RIF1: variants seen among roughly 807,000 people sequenced by gnomAD.
RIF1 encodes the protein telomere-associated protein RIF1.
RIF1 carries 45 observed loss-of-function variants against 247.1 expected under a neutral mutation model. The observed-to-expected ratio is 0.18, with a 90% CI of 0.14 to 0.23. The LOEUF (loss-of-function observed/expected upper bound fraction) is 0.23. RIF1 is among the 10% of genes least tolerant of loss of function. RIF1 has a pLI of 1.00. For synonymous variants in RIF1, 1,087 were observed against 978.8 expected (o/e 1.11, Z -2.06); for missense variants, 2,967 against 2,862.5 (o/e 1.04, Z -0.83).
At chr2:151,425,297 C>G (rs1319866530) in intron 8 of RIF1, among the ~76,000 whole-genome samples, 1 of 151,930 alleles carries the variant, frequency 6.6e-6, no homozygotes, top group African/African-American at 2.4e-5. Context: ...ATATGCATCC[C>G]TTAGTTTTGT....
At chr2:151,462,822 G>A in intron 29 of RIF1, 62 bp from the exon 30 acceptor site, 1 of 1,292,586 alleles carries the variant, frequency 7.7e-7, no homozygotes, top group Non-Finnish European at 1.1e-6. Context: ...TTCCCAGAAA[G>A]TCAAACTCGT....
At chr2:151,435,403 G>A in intron 10 of RIF1, 60 bp from the exon 11 acceptor site, 1 of 921,490 alleles carries the variant, frequency 1.1e-6, no homozygotes, top group Admixed American at 1.9e-5. Context: ...ATTATGTGAG[G>A]CTTTTAAAAA....
At position 151,455,154 on chromosome 2, in the gene RIF1, C is replaced by T. The variant is rs1558997509; in HGVS notation, c.2604C>T (p.Asn868=). ...GACCTCTGGCATTATTTTATGAAAACTCAAAGTAAGTATTTTGGACTAAGT... is the reference window on the plus strand; with the variant it reads ...GACCTCTGGCATTATTTTATGAAAATTCAAAGTAAGTATTTTGGACTAAGT... The part of the protein sequence containing the change: ...LTRPLALFYE[N]SKLDEVPKVY... The change falls in exon 22 of 36, where the codon AAC becomes AAT. Residue 868 remains asparagine, a synonymous_variant. Transcript: ENST00000444746. 8 of 1,607,598 alleles carry T rather than the reference C, an allele frequency of 5.0e-6. No individual in the cohort carries two copies. The East Asian group carries it at 1.8e-4, about 36-fold the overall frequency.
At chr2:151,466,958 C>T (rs985770503) in intron 30 of RIF1, among the ~76,000 whole-genome samples, 1 of 152,158 alleles carries the variant, frequency 6.6e-6, no homozygotes, top group African/African-American at 2.4e-5. Flanking sequence ...CTCGGTAGCT[C>T]ACACCTGTAA....
Position 151,465,435 on chromosome 2 carries a change from A to G in RIF1, c.5915A>G (p.Asp1972Gly), listed in dbSNP as rs192169310. The change falls in exon 30 of 36, where the codon GAT becomes GGT. Residue 1972 changes from aspartate to glycine, a missense_variant. Asp to Gly is a moderately conservative substitution (Grantham distance 94). This residue lies in a region of RIF1 where 2,028 missense variants were observed against 1,825.6 expected (regional missense o/e 1.11). Transcript: ENST00000444746. The part of the protein sequence containing the change: ...KEVATEEFNS[D>G]ISLSDNTTPV... ...GTAGCAACTGAGGAATTTAATTCAG[A>G]TATTAGTCTTTCTGATAATACTACA... 17 of 1,614,006 alleles carry G rather than the reference A, an allele frequency of 1.1e-5. No homozygotes were observed. In the African/African-American group the frequency reaches 1.1e-4, roughly 10 times the overall value.
chr2:151,531,989 G>A, the RIF1 span: 2 of 707,754 alleles, frequency 2.8e-6, no homozygotes, highest in South Asian at 1.9e-5. Flanking sequence ...AGTGGGAGAT[G>A]GTATCTAGCT....
chr2:151,506,965 CAACT>C lies in RIF1; in HGVS notation c.*1027+591_*1027+594del, dbSNP rs762780413. On this transcript the variant is annotated intron_variant and NMD_transcript_variant, in intron 13 of 13. Transcript: ENST00000454583. Reference sequence around the variant, plus strand: ...CGCAGTATTTCTGGCGTGTCTTGAACAACTGTAATTTTTCCTTTACTGTTTTTAA... The same window carrying C: ...CGCAGTATTTCTGGCGTGTCTTGAACGTAATTTTTCCTTTACTGTTTTTAA... 6.2e-7 allele frequency: 1 copy of C among 1,611,478 alleles called. No individual in the cohort carries two copies. The highest frequency in any genetic ancestry group is 8.5e-7 in the Non-Finnish European group (1 of 1,178,404).
At chr2:151,415,796 G>A (rs1687122644) in intron 4 of RIF1, among the ~76,000 whole-genome samples, 1 of 152,030 alleles carries the variant, frequency 6.6e-6, no homozygotes. Flanking sequence ...AGAATCGCTT[G>A]AACCTGGGAG....
At chr2:151,490,540 G>A (rs1234496026) in intron 9 of RIF1, 5 of 1,604,410 alleles carry the variant, frequency 3.1e-6, no homozygotes, top group Middle Eastern at 1.7e-4. Flanking sequence ...GCAGTTGGGG[G>A]AGATGTAGCA....
chr2:151,501,345 A>AATT (rs781494887), intron 11 of RIF1: 2 of 1,273,588 alleles, frequency 1.6e-6, no homozygotes, highest in Admixed American at 2.0e-5. Flanking sequence ...GTTTTGTAGA[A>AATT]ATTATTATTT....
Position 151,475,344 on chromosome 2 carries a change from G to C in RIF1, c.*273G>C, listed in dbSNP as rs549855959. Reference sequence around the variant, plus strand: ...TTACTGAGATGTGAAAGCAAAACTAGTAACAGAACTTACATTTTATTTCAT... The same window carrying C: ...TTACTGAGATGTGAAAGCAAAACTACTAACAGAACTTACATTTTATTTCAT... On this transcript the variant is annotated 3_prime_UTR_variant, in exon 36 of 36. Transcript: ENST00000444746. 1 of 371,650 alleles carries C rather than the reference G, an allele frequency of 2.7e-6. No homozygotes were observed. The highest frequency in any genetic ancestry group is 4.9e-6 in the Non-Finnish European group (1 of 204,894). The allele number at this position is 371,650 out of a possible 1,614,324, so 23.0% of individuals were successfully genotyped here. A position where few individuals can be genotyped will look rare whatever the true frequency, so the allele number is the denominator to read the frequency against.
intron 10 of RIF1, among the ~76,000 whole-genome samples, chr2:151,498,932 G>GAGAT (rs1553559674): frequency 6.6e-6 from 1 of 151,742 alleles, no homozygotes; most frequent in African/African-American, 2.4e-5. Flanking sequence ...AATAACAGTA[G>GAGAT]AGATAGAAAA....
At chr2:151,501,248 C>G in intron 11 of RIF1, 1 of 540,176 alleles carries the variant, frequency 1.9e-6, no homozygotes, top group Non-Finnish European at 3.3e-6. Context: ...AGTAGGAGAT[C>G]TGGAAAACAG....
Position 151,463,680 on chromosome 2 carries a change from A to G in RIF1, c.4160A>G (p.Asn1387Ser). 1.2e-6 allele frequency: 2 copies of G among 1,614,022 alleles called. No homozygotes were observed. The highest frequency in any genetic ancestry group is 1.7e-6 in the Non-Finnish European group (2 of 1,179,934). ...NVEINLESKENTPPVVISADQ... is the reference protein window; with the variant it reads ...NVEINLESKESTPPVVISADQ... ...GAAATTAATTTGGAATCCAAAGAGA[A>G]TACACCCCCAGTAGTAATATCAGCA... Residue 1387 changes from asparagine (N) to serine (S), a missense_variant, in exon 30 of 36, where the codon AAT becomes AGT. By Grantham distance (46) the Asn-to-Ser change is conservative (BLOSUM62 1). Coordinates refer to ENST00000444746, the MANE Select transcript of RIF1 (RefSeq NM_018151.5).
At chr2:151,448,951 A>C (rs1042710622) in intron 20 of RIF1, among the ~76,000 whole-genome samples, 1 of 152,198 alleles carries the variant, frequency 6.6e-6, no homozygotes, top group African/African-American at 2.4e-5. Context: ...AAATTTCACA[A>C]AATACCCTGT....
At chr2:151,529,068 T>C in the RIF1 span, 4 of 672,910 alleles carry the variant, frequency 5.9e-6, no homozygotes, top group Non-Finnish European at 1.1e-5. Context: ...TTTAGCATCA[T>C]TGTTCATGCT....
chr2:151,525,352 C>A, the RIF1 span: 1 of 1,016,464 alleles, frequency 9.8e-7, no homozygotes, highest in African/African-American at 1.6e-5. Flanking sequence ...TGTGAAATCT[C>A]CAGGAAAATC....
intron 4 of RIF1, among the ~76,000 whole-genome samples, chr2:151,415,660 G>C (rs561487505): frequency 6.6e-6 from 1 of 150,920 alleles, no homozygotes; most frequent in East Asian, 2.0e-4. Context: ...GATCACCTAA[G>C]GTCGGGAGTT....
rs1380856404 is a variant in RIF1 at position 151,481,281 on chromosome 2, A to G, written c.*6210A>G. On this transcript the variant is annotated 3_prime_UTR_variant, in exon 36 of 36. Coordinates refer to ENST00000444746, the MANE Select transcript of RIF1 (RefSeq NM_018151.5). The stretch of plus-strand genomic sequence containing the variant: ...AATTTCTGTTACCCCTGTGTTTTCC[A>G]GAATGGCTTCTCCTGATTTTACTTA... 2 of 152,256 alleles carry G rather than the reference A, an allele frequency of 1.3e-5. No homozygotes were observed. Among genetic ancestry groups the G allele is most frequent in the Non-Finnish European group, 2.9e-5 (2 of 68,040 alleles). The allele number at this position is 152,256 out of a possible 1,614,324, so 9.4% of individuals were successfully genotyped here.
Sources: allele counts gnomAD v4.1 joint callset (sites outside exome capture counted in the v4.1 genomes callset), GRCh38; gene constraint gnomAD v4.1.1; regional missense constraint gnomAD v4.1.1; transcripts MANE v1.5; gene names NCBI Gene and HGNC (gene_info 2026-07-23, HGNC 2026-07-21).